ABCA13: variants seen among roughly 807,000 people sequenced by gnomAD.
The protein encoded by ABCA13 is ATP binding cassette subfamily A member 13, also known as ATP-binding cassette sub-family A member 13.
Under a neutral mutation model 478.7 loss-of-function variants are expected in ABCA13, and 476 were observed. That is an observed-to-expected ratio of 0.99 (90% CI 0.92 to 1.07). ABCA13 has a LOEUF of 1.07. Among genes scored for constraint, ABCA13 ranks in the 50% least tolerant of loss-of-function variants. ABCA13 has a pLI of 0.00. For missense variants in ABCA13, 6,060 were observed against 5,910.6 expected, an observed-to-expected ratio of 1.03 and a Z score of -0.83; for synonymous variants, 2,252 against 2,158.9, an observed-to-expected ratio of 1.04 and a Z score of -1.20.
intron 15 of ABCA13, among the ~76,000 whole-genome samples, chr7:48,267,784 T>C (rs1795061914): frequency 6.6e-6 from 1 of 152,192 alleles, no homozygotes; most frequent in South Asian, 2.1e-4. Flanking sequence ...TTTGATTGAT[T>C]AATTTTTCTC....
intron 27 of ABCA13, among the ~76,000 whole-genome samples, chr7:48,330,761 C>A (rs924146630): frequency 6.6e-5 from 10 of 151,880 alleles, no homozygotes; most frequent in Non-Finnish European, 1.3e-4. Flanking sequence ...ATCCATCCAT[C>A]CATCCATCCA....
At chr7:48,210,297 A>G (rs528848159) in intron 3 of ABCA13, among the ~76,000 whole-genome samples, 8 of 152,168 alleles carry the variant, frequency 5.3e-5, no homozygotes, top group Admixed American at 3.9e-4. Context: ...TGAGAAGAGC[A>G]TGGGGGAACT....
At chr7:48,180,814 A>G (rs1795592430) in intron 1 of ABCA13, among the ~76,000 whole-genome samples, 1 of 152,088 alleles carries the variant, frequency 6.6e-6, no homozygotes, top group African/African-American at 2.4e-5. Context: ...AGGCAGGAGG[A>G]TCGCTTCAGC....
At chr7:48,176,728 C>T (rs1328898693) in intron 1 of ABCA13, among the ~76,000 whole-genome samples, 1 of 149,478 alleles carries the variant, frequency 6.7e-6, no homozygotes, top group East Asian at 2.0e-4. Flanking sequence ...TCTGCCTCTG[C>T]CTATCTACCT....
At chr7:48,379,581 G>T (rs1273851108) in intron 35 of ABCA13, among the ~76,000 whole-genome samples, 2 of 151,914 alleles carry the variant, frequency 1.3e-5, no homozygotes, top group Admixed American at 6.6e-5. Context: ...TGCTTATGTG[G>T]AATAAGTTCG....
rs1806131090 is a variant in ABCA13, at chr7:48,335,591, G to A, written c.10113+56G>A. On this transcript the variant is annotated intron_variant, in intron 28 of 61. Coordinates refer to ENST00000435803, the MANE Select transcript of ABCA13 (RefSeq NM_152701.5). The stretch of plus-strand genomic sequence containing the variant: ...GGGGAGCTACTGCTAGGGCATGTCC[G>A]AGACATCAGGGCTGCCCTGTAGAAG... The A allele has an allele frequency of 3.6e-6, 5 of 1,392,438 alleles. No homozygotes were observed. In the African/African-American group the frequency reaches 5.7e-5, roughly 16 times the overall value. The allele number at this position is 1,392,438 out of a possible 1,614,324, so 86.3% of individuals were successfully genotyped here. A position where few individuals can be genotyped will look rare whatever the true frequency, so the allele number is the denominator to read the frequency against.
intron 41 of ABCA13, among the ~76,000 whole-genome samples, chr7:48,413,893 T>A (rs1819598620): frequency 6.6e-6 from 1 of 152,218 alleles, no homozygotes; most frequent in Admixed American, 6.5e-5. Context: ...CATAGGCCAA[T>A]TTCTTTACCC....
At chr7:48,290,877 A>T (rs1798409337) in intron 20 of ABCA13, among the ~76,000 whole-genome samples, 1 of 147,612 alleles carries the variant, frequency 6.8e-6, no homozygotes, top group Non-Finnish European at 1.5e-5. Context: ...AGCAAGGAGA[A>T]TACCGAGCCT....
At chr7:48,506,008 G>T (rs1404487376) in intron 48 of ABCA13, among the ~76,000 whole-genome samples, 3 of 152,144 alleles carry the variant, frequency 2.0e-5, no homozygotes, top group African/African-American at 4.8e-5. Context: ...GCCTGAGTAT[G>T]TTTCCTCTCT....
chr7:48,510,722 T>G (rs1458906089), intron 50 of ABCA13, among the ~76,000 whole-genome samples: 2 of 152,204 alleles, frequency 1.3e-5, no homozygotes, highest in Non-Finnish European at 2.9e-5. Flanking sequence ...ATCCTCTCCC[T>G]GTGTCCTCAC....
chr7:48,574,026 A>G (rs1787928468), intron 55 of ABCA13, among the ~76,000 whole-genome samples: 1 of 151,910 alleles, frequency 6.6e-6, no homozygotes, highest in South Asian at 2.1e-4. Flanking sequence ...TAGTAGCCTC[A>G]TTTGGATTTG....
At chr7:48,360,275 G>T (rs1023215046) in intron 31 of ABCA13, among the ~76,000 whole-genome samples, 4 of 149,124 alleles carry the variant, frequency 2.7e-5, no homozygotes, top group Non-Finnish European at 5.9e-5. Context: ...ACCTATGAGT[G>T]AGGACATGGA....
chr7:48,205,792 C>A (rs918391463), intron 3 of ABCA13, among the ~76,000 whole-genome samples: 4 of 152,026 alleles, frequency 2.6e-5, no homozygotes, highest in Admixed American at 2.0e-4. Flanking sequence ...TTTGTTGTTG[C>A]TATTGCAAAT....
chr7:48,602,459 G>A lies in ABCA13; in HGVS notation c.14744+7646G>A, dbSNP rs144424349. Among the ~76,000 whole-genome samples the A allele has an allele frequency of 8.5e-3, 1,286 of 152,058 alleles. 7 individuals are homozygous for A. The highest frequency in any genetic ancestry group is 0.014 in the Middle Eastern group (4 of 290). On this transcript the variant is annotated intron_variant, in intron 58 of 61. Coordinates refer to ENST00000435803, the MANE Select transcript of ABCA13 (RefSeq NM_152701.5). The stretch of plus-strand genomic sequence containing the variant: ...CTGCATATAGCTACCCAGTTTTCCC[G>A]ACACCATTTATTAAATAGGGAATTC...
intron 1 of ABCA13, among the ~76,000 whole-genome samples, chr7:48,183,967 C>G (rs148149790): frequency 0.088 from 13,370 of 152,174 alleles, 621 homozygotes; most frequent in Middle Eastern, 0.12. Flanking sequence ...TGAAACCAGT[C>G]TAATCTAACA....
In ABCA13 at chr7:48,278,347, T is replaced by G. The variant is rs1796576310; in HGVS notation, c.7153T>G (p.Phe2385Val). Residue 2385 changes from phenylalanine (F) to valine (V), a missense_variant, in exon 18 of 62, where the codon TTT becomes GTT. Physicochemically the swap from Phe to Val is conservative, Grantham distance 50. Around this residue, in one of 3 missense-constraint regions of ABCA13, gnomAD observed 4,423 missense variants for 4,309.1 expected, o/e 1.03. Transcript: ENST00000435803. ...MKNKTENNID[F>V]FTVVSQLFFH... ...AAATAAGACTGAAAATAATATAGAC[T>G]TTTTCACAGTGGTGAGTCAGTTGTT... The G allele has an allele frequency of 6.2e-7, 1 of 1,613,408 alleles. No individual in the cohort carries two copies.
chr7:48,578,518 G>A (rs116618542), intron 55 of ABCA13, among the ~76,000 whole-genome samples: 3 of 152,200 alleles, frequency 2.0e-5, no homozygotes, highest in South Asian at 4.1e-4. Context: ...AACAAATTAT[G>A]TGAGGAAAAC....
At chr7:48,520,584 T>C (rs34096705) in intron 53 of ABCA13, among the ~76,000 whole-genome samples, 12,706 of 152,122 alleles carry the variant, frequency 0.084, 922 homozygotes, top group African/African-American at 0.2. Flanking sequence ...TTAAGTTCTA[T>C]GGTACATGTG....
At chr7:48,481,233 TAAA>T in intron 46 of ABCA13, 79 bp downstream of exon 46, 1 of 1,215,692 alleles carries the variant, frequency 8.2e-7, no homozygotes, top group Non-Finnish European at 1.2e-6. Context: ...CTAATGTTCT[TAAA>T]AAGTCAAAAA....
Sources: allele counts gnomAD v4.1 joint callset (sites outside exome capture counted in the v4.1 genomes callset), GRCh38; gene constraint gnomAD v4.1.1; regional missense constraint gnomAD v4.1.1; transcripts MANE v1.5; gene names NCBI Gene and HGNC (gene_info 2026-07-23, HGNC 2026-07-21).